SERPINB9: variants seen among roughly 807,000 people sequenced by gnomAD.
SERPINB9 encodes the protein serpin B9.
SERPINB9 carries 20 observed loss-of-function variants against 27.2 expected under a neutral mutation model. The ratio of observed to expected loss-of-function variants is 0.74; its 90% CI spans 0.52 to 1.07. SERPINB9 has a LOEUF of 1.07. SERPINB9 is among the 50% of genes least tolerant of loss of function. The pLI, the probability that SERPINB9 is intolerant of heterozygous loss-of-function variation, is 0.00. For synonymous variants in SERPINB9, 189 were observed against 180.0 expected (o/e 1.05, Z -0.40); for missense variants, 476 against 460.1 (o/e 1.03, Z -0.32).
In SERPINB9 at chr6:2,888,296, CAT is replaced by C. The variant is rs755013199; in HGVS notation, c.*1865_*1866del. On this transcript the variant is annotated 3_prime_UTR_variant, in exon 7 of 7. Transcript: ENST00000380698. Reference sequence around the variant, plus strand: ...TTTGTCTGTTCCTCAAAAAGCTAAACATAGAATTAACATATGACCCAGCAGTT... The same window carrying C: ...TTTGTCTGTTCCTCAAAAAGCTAAACAGAATTAACATATGACCCAGCAGTT... 5 of 152,164 alleles carry C rather than the reference CAT, an allele frequency of 3.3e-5. No individual in the cohort carries two copies. The highest frequency in any genetic ancestry group is 2.1e-4 in the South Asian group (1 of 4,836). 9.4% of individuals were successfully genotyped at this position (152,164 alleles called of 1,614,324 possible).
intron 4 of SERPINB9, among the ~76,000 whole-genome samples, chr6:2,895,098 T>A (rs527460715): frequency 1.3e-5 from 2 of 152,192 alleles, no homozygotes; most frequent in Non-Finnish European, 2.9e-5. Flanking sequence ...CCTGGGAGAA[T>A]AGACAAAAGT....
intron 2 of SERPINB9, among the ~76,000 whole-genome samples, chr6:2,899,658 A>G (rs1768127041): frequency 6.6e-6 from 1 of 152,226 alleles, no homozygotes; most frequent in African/African-American, 2.4e-5. Flanking sequence ...CTTATTATTA[A>G]GGCTGGTAGC....
chr6:2,892,984 T>G (rs1336269891), intron 5 of SERPINB9, among the ~76,000 whole-genome samples: 1 of 150,396 alleles, frequency 6.6e-6, no homozygotes, highest in African/African-American at 2.4e-5. Context: ...AAGACACATG[T>G]TTTCACCTTC....
intron 5 of SERPINB9, among the ~76,000 whole-genome samples, chr6:2,892,618 T>C (rs1012218623): frequency 6.6e-6 from 1 of 152,156 alleles, no homozygotes; most frequent in African/African-American, 2.4e-5. Flanking sequence ...CTTTAAAAAA[T>C]TGATACAGAT....
rs780622429 is a variant in SERPINB9 at position 2,893,514 on chromosome 6, G to C, written c.464C>G (p.Ala155Gly). ...EELLPGSSID[A>G]ETRLVLVNAI... is the part of the protein sequence containing the mutation. The stretch of plus-strand genomic sequence containing the variant: ...ATTGACAAGAACCAGCCTGGTTTCT[G>C]CATCAATTGAGCTACCCGGCAACAA... The change falls in exon 5 of 7, where the codon GCA becomes GGA. Residue 155 changes from alanine to glycine, a missense_variant. Coordinates refer to ENST00000380698, the MANE Select transcript of SERPINB9 (RefSeq NM_004155.6). The C allele has an allele frequency of 4.3e-6, 7 of 1,612,518 alleles. No individual in the cohort carries two copies. The highest frequency in any genetic ancestry group is 1.7e-5 in the Admixed American group (1 of 59,858).
Position 2,890,809 on chromosome 6 carries a change from C to T in SERPINB9, c.724-239G>A, listed in dbSNP as rs908626479. Among the ~76,000 whole-genome samples the T allele has an allele frequency of 6.6e-6, 1 of 152,170 alleles. No homozygotes were observed. The highest frequency in any genetic ancestry group is 1.5e-5 in the Non-Finnish European group (1 of 68,028). ...CAGAGGCAGGAAGGCTGTGGCTGTC[C>T]TCTCCTTATCCAACAACTCCAGAGA... On this transcript the variant is annotated intron_variant, in intron 6 of 6. Transcript: ENST00000380698. The surrounding 1 kb of genome is among the most constrained non-coding windows in gnomAD (Gnocchi z 6.2).
chr6:2,900,368 G>A (rs1768155197), intron 2 of SERPINB9, 76 bp downstream of exon 2: 3 of 1,545,732 alleles, frequency 1.9e-6, no homozygotes, highest in Non-Finnish European at 2.6e-6. Context: ...CAGTGGCTCT[G>A]GAGTGTGAGT....
intron 2 of SERPINB9, among the ~76,000 whole-genome samples, chr6:2,898,621 T>G (rs1252380286): frequency 6.6e-6 from 1 of 152,048 alleles, no homozygotes; most frequent in Non-Finnish European, 1.5e-5. Context: ...ATCGAGACCA[T>G]CCTGACTAAC....
rs1767682161 is a variant in SERPINB9 at position 2,888,917 on chromosome 6, T to G, written c.*1246A>C. 6.6e-6 allele frequency: 1 copy of G among 152,038 alleles called. No individual in the cohort carries two copies. Among genetic ancestry groups the G allele is most frequent in the Non-Finnish European group, 1.5e-5 (1 of 68,010 alleles). 9.4% of individuals were successfully genotyped at this position (152,038 alleles called of 1,614,324 possible). A position where few individuals can be genotyped will look rare whatever the true frequency, so the allele number is the denominator to read the frequency against. ...TAAAAAATATAAGTTACATAGCTCG[T>G]ATATAATCAACTTACTTATTACTGC... On this transcript the variant is annotated 3_prime_UTR_variant, in exon 7 of 7. Coordinates refer to ENST00000380698, the MANE Select transcript of SERPINB9 (RefSeq NM_004155.6).
At chr6:2,892,290 C>A (rs886317691) in intron 5 of SERPINB9, among the ~76,000 whole-genome samples, 3 of 151,624 alleles carry the variant, frequency 2.0e-5, no homozygotes, top group Non-Finnish European at 4.4e-5. Flanking sequence ...TCTAAGAAAG[C>A]AATATAATCA....
At chr6:2,900,709 C>G (rs532397938) in intron 1 of SERPINB9, 88 bp from the exon 2 acceptor site, 2 of 1,184,464 alleles carry the variant, frequency 1.7e-6, no homozygotes, top group African/African-American at 1.5e-5. Flanking sequence ...TGGAATCGTA[C>G]TTTTTGTTTT....
chr6:2,903,018 G>C lies in SERPINB9; in HGVS notation c.-11+183C>G, dbSNP rs1561649906. Reference sequence around the variant, plus strand: ...GCTGTGGGCCGCCAAGGCGGAGACCGGCTGCCGCTCCCAGGCACCCCCCAG... The same window carrying C: ...GCTGTGGGCCGCCAAGGCGGAGACCCGCTGCCGCTCCCAGGCACCCCCCAG... On this transcript the variant is annotated intron_variant, in intron 1 of 6. Transcript: ENST00000380698. This position sits in a 1 kb window ranked among gnomAD's most constrained non-coding sequence, Gnocchi z 5.2. 1.3e-5 allele frequency among the ~76,000 whole-genome samples: 2 copies of C among 152,184 alleles called. No homozygotes were observed. The highest frequency in any genetic ancestry group is 1.5e-5 in the Non-Finnish European group (1 of 68,010).
chr6:2,895,401 T>C lies in SERPINB9; in HGVS notation c.414A>G (p.Lys138=), dbSNP rs774947100. 2 of 1,608,850 alleles carry C rather than the reference T, an allele frequency of 1.2e-6. No homozygotes were observed. The highest frequency in any genetic ancestry group is 1.7e-5 in the Admixed American group (1 of 58,192). The change falls in exon 4 of 7, where the codon AAA becomes AAG. Residue 138 remains lysine, a synonymous_variant. Transcript: ENST00000380698. ...SRKHINTWVS[K]KTEGKIEELL... ...ACTTGTCATTCTGACCTTCGGTCTTTTTTGAGACCCAGGTGTTGATGTGTT... is the reference window on the plus strand; with the variant it reads ...ACTTGTCATTCTGACCTTCGGTCTTCTTTGAGACCCAGGTGTTGATGTGTT...
At chr6:2,901,730 C>A (rs966421865) in intron 1 of SERPINB9, among the ~76,000 whole-genome samples, 7 of 152,098 alleles carry the variant, frequency 4.6e-5, no homozygotes, top group Admixed American at 6.5e-5. Context: ...CCTCCTCCCC[C>A]ACACCCATCC....
At position 2,895,394 on chromosome 6, in the gene SERPINB9, C is replaced by T. The variant is rs370465822; in HGVS notation, c.421G>A (p.Glu141Lys). The change falls in exon 4 of 7, where the codon GAA becomes AAA. Residue 141 changes from glutamate to lysine, a missense_variant. By Grantham distance (56) the Glu-to-Lys change is moderately conservative. Coordinates refer to ENST00000380698, the MANE Select transcript of SERPINB9 (RefSeq NM_004155.6). ...HINTWVSKKT[E>K]GKIEELLPGS... ...TGCAATAACTTGTCATTCTGACCTTCGGTCTTTTTTGAGACCCAGGTGTTG... is the reference window on the plus strand; with the variant it reads ...TGCAATAACTTGTCATTCTGACCTTTGGTCTTTTTTGAGACCCAGGTGTTG... The T allele has an allele frequency of 7.5e-6, 12 of 1,603,042 alleles. No homozygotes were observed. The highest frequency in any genetic ancestry group is 6.7e-5 in the East Asian group (3 of 44,802).
intron 2 of SERPINB9, chr6:2,899,769 A>G (rs1223510535): frequency 6.7e-6 from 2 of 299,300 alleles, no homozygotes; most frequent in Non-Finnish European, 1.3e-5. Flanking sequence ...AGACAGTCAT[A>G]TTGAACAAAG....
At position 2,894,353 on chromosome 6, in the gene SERPINB9, T is replaced by C. The variant is rs1767922442; in HGVS notation, c.425-800A>G. Reference sequence around the variant, plus strand: ...GTCTGAATGGTTCATCAGACCATCATTGGTCTTGGAGGCCTAGACTGGAAC... The same window carrying C: ...GTCTGAATGGTTCATCAGACCATCACTGGTCTTGGAGGCCTAGACTGGAAC... On this transcript the variant is annotated intron_variant, in intron 4 of 6. Coordinates refer to ENST00000380698, the MANE Select transcript of SERPINB9 (RefSeq NM_004155.6). This position sits in a 1 kb window ranked among gnomAD's most constrained non-coding sequence, Gnocchi z 4.7. Among the ~76,000 whole-genome samples the C allele has an allele frequency of 1.3e-5, 2 of 152,200 alleles. No homozygotes were observed. The highest frequency in any genetic ancestry group is 2.1e-4 in the South Asian group (1 of 4,838).
In SERPINB9 at chr6:2,893,683, G is replaced by A. The variant is rs539082758; in HGVS notation, c.425-130C>T. The A allele has an allele frequency of 5.7e-5, 41 of 718,644 alleles. No individual in the cohort carries two copies. The South Asian group carries it at 8.7e-4, about 15-fold the overall frequency. 44.5% of individuals were successfully genotyped at this position (718,644 alleles called of 1,614,324 possible). ...TGCTGAGTTTGGGTTGTTATGTAGAGAAATAAAAACAGCACATATGAGTGG... is the reference window on the plus strand; with the variant it reads ...TGCTGAGTTTGGGTTGTTATGTAGAAAAATAAAAACAGCACATATGAGTGG... On this transcript the variant is annotated intron_variant, in intron 4 of 6. Transcript: ENST00000380698.
At position 2,890,421 on chromosome 6, in the gene SERPINB9, A is replaced by G; in HGVS notation, c.873T>C (p.Asp291=). 1 of 1,614,224 alleles carries G rather than the reference A, an allele frequency of 6.2e-7. No individual in the cohort carries two copies. The highest frequency in any genetic ancestry group is 8.5e-7 in the Non-Finnish European group (1 of 1,180,044). The change falls in exon 7 of 7, where the codon GAT becomes GAC. Residue 291 remains aspartate, a synonymous_variant. Coordinates refer to ENST00000380698, the MANE Select transcript of SERPINB9 (RefSeq NM_004155.6). The surrounding 1 kb of genome is among the most constrained non-coding windows in gnomAD (Gnocchi z 6.2). ...ESVLRHLGIV[D]AFQQGKADLS... ...AGTCAGCCTTGCCCTGTTGGAAGGC[A>G]TCAACAATTCCCAAATGCCGAAGCA...
Sources: allele counts gnomAD v4.1 joint callset (sites outside exome capture counted in the v4.1 genomes callset), GRCh38; gene constraint gnomAD v4.1.1; non-coding constraint Gnocchi (gnomAD v3.1); transcripts MANE v1.5; gene names NCBI Gene and HGNC (gene_info 2026-07-23, HGNC 2026-07-21).